ABCC3: variants seen among roughly 807,000 people sequenced by gnomAD.
The protein encoded by ABCC3 is ATP-binding cassette sub-family C member 3.
Under a neutral mutation model 165.3 loss-of-function variants are expected in ABCC3, and 121 were observed. The observed-to-expected ratio is 0.73, with a 90% confidence interval of 0.63 to 0.85. The LOEUF (loss-of-function observed/expected upper bound fraction) is 0.85. Among genes scored for constraint, ABCC3 ranks in the 40% least tolerant of loss-of-function variants. The pLI, the probability that ABCC3 is intolerant of heterozygous loss-of-function variation, is 0.00. For synonymous variants in ABCC3, 733 were observed against 810.1 expected, an observed-to-expected ratio of 0.90 and a Z score of 1.62; for missense variants, 1,869 against 1,964.1, an observed-to-expected ratio of 0.95 and a Z score of 0.92.
At chr17:50,673,688 C>T (rs920522761) in intron 19 of ABCC3, 30 bp downstream of exon 19, 4 of 1,606,712 alleles carry the variant, frequency 2.5e-6, no homozygotes, top group Non-Finnish European at 3.4e-6. Flanking sequence ...CTCTGATTCC[C>T]ATGCCTTCCC....
At chr17:50,645,871 C>T (rs1369766030) in intron 1 of ABCC3, among the ~76,000 whole-genome samples, 1 of 152,184 alleles carries the variant, frequency 6.6e-6, no homozygotes, top group Non-Finnish European at 1.5e-5. Context: ...AAGCACTGGG[C>T]AATGTCCCTG....
chr17:50,691,235 G>C lies in ABCC3; in HGVS notation c.*35G>C, dbSNP rs1968118049. 6.5e-7 allele frequency: 1 copy of C among 1,538,030 alleles called. No homozygotes were observed. The highest frequency in any genetic ancestry group is 2.3e-5 in the East Asian group (1 of 44,432). The stretch of plus-strand genomic sequence containing the variant: ...CTGAGATTTCCTCCTGGCCTTTCCT[G>C]GTTTTCATCAGGAAGGAAATGACAC... On this transcript the variant is annotated 3_prime_UTR_variant, in exon 31 of 31. Coordinates refer to ENST00000285238, the MANE Select transcript of ABCC3 (RefSeq NM_003786.4).
In ABCC3 at chr17:50,659,344, G is replaced by A; in HGVS notation, c.782G>A (p.Arg261Lys). The A allele has an allele frequency of 6.2e-7, 1 of 1,612,100 alleles. No homozygotes were observed. Among genetic ancestry groups the A allele is most frequent in the Non-Finnish European group, 8.5e-7 (1 of 1,178,460 alleles). ...GTGCAGCAGCTGCTGGAGGCATGGA[G>A]GAAGCAGGAAAAGCAGACGGCACGG... ...MVVQQLLEAWRKQEKQTARHK... is the reference protein window; with the variant it reads ...MVVQQLLEAWKKQEKQTARHK... The change falls in exon 7 of 31, where the codon AGG (arginine) becomes AAG (lysine). Residue 261 changes from arginine (R) to lysine (K), a missense_variant. Arg to Lys is a conservative substitution (Grantham distance 26, BLOSUM62 2). Coordinates refer to ENST00000285238, the MANE Select transcript of ABCC3 (RefSeq NM_003786.4).
intron 3 of ABCC3, 101 bp from the exon 4 acceptor site, chr17:50,656,944 AG>A (rs1967264280): frequency 6.5e-7 from 1 of 1,549,574 alleles, no homozygotes; most frequent in East Asian, 2.3e-5. Context: ...GGGAAGAAGA[AG>A]GGGGTGGCCC....
rs145861811 is a variant in ABCC3 at position 50,683,702 on chromosome 17, G to A, written c.3900G>A (p.Pro1300=). The part of the protein sequence containing the change: ...EFRNYSVRYR[P]GLDLVLRDLS... ...GGAATTATTCTGTGCGCTACCGGCCGGGCCTAGACCTGGTGCTGAGAGACC... is the reference window on the plus strand; with the variant it reads ...GGAATTATTCTGTGCGCTACCGGCCAGGCCTAGACCTGGTGCTGAGAGACC... Residue 1300 remains proline, a synonymous_variant, in exon 27 of 31, where the codon CCG becomes CCA. Coordinates refer to ENST00000285238, the MANE Select transcript of ABCC3 (RefSeq NM_003786.4). 179 of 1,608,400 alleles carry A rather than the reference G, an allele frequency of 1.1e-4. 3 individuals carry two copies. In the South Asian group the frequency reaches 1.4e-3, roughly 13 times the overall value.
In ABCC3 at chr17:50,669,462, G is replaced by T. The variant is rs138429197; in HGVS notation, c.2175G>T (p.Glu725Asp). The T allele has an allele frequency of 2.6e-5, 42 of 1,614,256 alleles. No homozygotes were observed. The African/African-American group carries it at 4.4e-4, about 17-fold the overall frequency. Residue 725 changes from glutamate to aspartate, a missense_variant, in exon 17 of 31, where the codon GAG (glutamate) becomes GAT (aspartate). Physicochemically the swap from Glu to Asp is conservative, Grantham distance 45. Coordinates refer to ENST00000285238, the MANE Select transcript of ABCC3 (RefSeq NM_003786.4). ...CCAAGCGCTACCAGCAGACTCTGGA[G>T]GCCTGTGCCTTGCTAGCTGACCTGG... Reference protein sequence around the residue: ...LNPKRYQQTLEACALLADLEM... With the variant: ...LNPKRYQQTLDACALLADLEM...
chr17:50,673,781 T>A (rs1435257765), intron 19 of ABCC3, 123 bp downstream of exon 19: 1 of 962,472 alleles, frequency 1.0e-6, no homozygotes, highest in Non-Finnish European at 1.5e-6. Context: ...ACTTGGGCCA[T>A]CTGTGTGACA....
At position 50,655,910 on chromosome 17, in the gene ABCC3, T is replaced by G. The variant is rs1313866090; in HGVS notation, c.124T>G (p.Cys42Gly). The G allele has an allele frequency of 3.1e-6, 5 of 1,614,074 alleles. No individual in the cohort carries two copies. The highest frequency in any genetic ancestry group is 4.2e-6 in the Non-Finnish European group (5 of 1,180,004). The stretch of plus-strand genomic sequence containing the variant: ...GAACTCCCTGCTGGCCTGGGTGCCC[T>G]GCATCTACCTGTGGGTCGCCCTGCC... ...FQNSLLAWVPCIYLWVALPCY... is the reference protein window; with the variant it reads ...FQNSLLAWVPGIYLWVALPCY... Residue 42 changes from cysteine to glycine, a missense_variant, in exon 2 of 31, where the codon TGC becomes GGC. Physicochemically the swap from Cys to Gly is radical, Grantham distance 159 (BLOSUM62 -3). Coordinates refer to ENST00000285238, the MANE Select transcript of ABCC3 (RefSeq NM_003786.4).
chr17:50,678,729 T>C (rs931686680), intron 25 of ABCC3, among the ~76,000 whole-genome samples: 2 of 152,192 alleles, frequency 1.3e-5, no homozygotes, highest in Non-Finnish European at 2.9e-5. Context: ...CAGAACAGCC[T>C]GGCCAACATG....
rs1597864660 is a variant in ABCC3, at chr17:50,691,073, T to C, written c.4476-19T>C. The C allele has an allele frequency of 6.3e-7, 1 of 1,599,876 alleles. No homozygotes were observed. The highest frequency in any genetic ancestry group is 1.7e-4 in the Middle Eastern group (1 of 5,934). Reference sequence around the variant, plus strand: ...TCAGGGCTGATGGAAACCTGACCACTTCTCTCTTTTTTGACTAGGGTCCTG... The same window carrying C: ...TCAGGGCTGATGGAAACCTGACCACCTCTCTCTTTTTTGACTAGGGTCCTG... On this transcript the variant is annotated intron_variant, in intron 30 of 30. Transcript: ENST00000285238.
Position 50,667,629 on chromosome 17 carries a change from C to T in ABCC3, c.1507C>T (p.Leu503=). ...EILNGIKVLK[L]YAWEPSFLKQ... ...CCTGAACGGCATCAAGGTGCTGAAG[C>T]TGTACGCCTGGGAGCCCAGCTTCCT... The change falls in exon 12 of 31, where the codon CTG becomes TTG. Residue 503 remains leucine (L), a synonymous_variant. Coordinates refer to ENST00000285238, the MANE Select transcript of ABCC3 (RefSeq NM_003786.4). 6.2e-7 allele frequency: 1 copy of T among 1,614,232 alleles called. No homozygotes were observed. The highest frequency in any genetic ancestry group is 1.3e-5 in the African/African-American group (1 of 75,052).
intron 23 of ABCC3, 124 bp downstream of exon 23, chr17:50,676,712 C>T (rs1287149619): frequency 9.8e-6 from 9 of 917,776 alleles, no homozygotes; most frequent in South Asian, 1.8e-5. Flanking sequence ...TAGGGGCAGT[C>T]GTTGCTTAAC....
intron 25 of ABCC3, chr17:50,679,048 C>T (rs937108649): frequency 2.0e-5 from 3 of 152,138 alleles, no homozygotes; most frequent in African/African-American, 2.4e-5. Context: ...GCTCATGTGA[C>T]AGGTCAGGAC....
chr17:50,678,159 C>CA lies in ABCC3; in HGVS notation c.3646dup (p.Ile1216AsnfsTer38). On this transcript the variant is annotated frameshift_variant, in exon 25 of 31. Transcript: ENST00000285238. LOFTEE classifies it high-confidence loss of function. ...TGCTCTTTGCTGCACTATTTGCCGT[C>CA]ATCGGGAGGAGCAGCCTGAACCCGG... 1 of 1,552,904 alleles carries CA rather than the reference C, an allele frequency of 6.4e-7. No individual in the cohort carries two copies. Among genetic ancestry groups the CA allele is most frequent in the Non-Finnish European group, 8.7e-7 (1 of 1,149,840 alleles).
chr17:50,684,223 G>A, intron 28 of ABCC3, 116 bp downstream of exon 28: 1 of 1,363,382 alleles, frequency 7.3e-7, no homozygotes, highest in Non-Finnish European at 9.8e-7. Flanking sequence ...TTGGGCAGGT[G>A]GGGAGGGACA....
chr17:50,689,579 A>G (rs1039302476), intron 30 of ABCC3, among the ~76,000 whole-genome samples: 1 of 152,332 alleles, frequency 6.6e-6, no homozygotes, highest in Admixed American at 6.5e-5. Context: ...AGGACGATGG[A>G]GTGGGAAGGG....
At chr17:50,661,803 T>TCGGGTGTCTGGAAAACCC (rs1367701192) in intron 8 of ABCC3, among the ~76,000 whole-genome samples, 1 of 152,134 alleles carries the variant, frequency 6.6e-6, no homozygotes, top group Non-Finnish European at 1.5e-5. Flanking sequence ...AGAAGTGTTC[T>TCGGGTGTCTGGAAAACCC]CGGGTGTCTG....
intron 28 of ABCC3, 103 bp from the exon 29 acceptor site, chr17:50,684,606 G>A: frequency 7.9e-7 from 1 of 1,273,868 alleles, no homozygotes; most frequent in East Asian, 2.5e-5. Flanking sequence ...AAACAGAGTG[G>A]GAATGCTGCC....
At position 50,667,957 on chromosome 17, in the gene ABCC3, T is replaced by C; in HGVS notation, c.1730T>C (p.Ile577Thr). ...KAFVSVSLFN[I>T]LRLPLNMLPQ... is the part of the protein sequence containing the mutation. ...TTTGTGTCTGTGTCCTTGTTTAATA[T>C]CTTAAGACTTCCCCTCAACATGCTG... The change falls in exon 13 of 31, where the codon ATC becomes ACC. Residue 577 changes from isoleucine (I) to threonine (T), a missense_variant. Coordinates refer to ENST00000285238, the MANE Select transcript of ABCC3 (RefSeq NM_003786.4). The C allele has an allele frequency of 1.2e-6, 2 of 1,614,188 alleles. No homozygotes were observed. The highest frequency in any genetic ancestry group is 1.7e-6 in the Non-Finnish European group (2 of 1,180,020).
Sources: allele counts gnomAD v4.1 joint callset (sites outside exome capture counted in the v4.1 genomes callset), GRCh38; gene constraint gnomAD v4.1.1; transcripts MANE v1.5; gene names NCBI Gene and HGNC (gene_info 2026-07-23, HGNC 2026-07-21).